The following EPS15 variants were observed in gnomAD, a reference collection of about 807,000 sequenced individuals.
The protein encoded by EPS15 is epidermal growth factor receptor pathway substrate 15.
A neutral mutation model predicts 113.8 loss-of-function variants in EPS15; 72 were observed. The ratio of observed to expected loss-of-function variants is 0.63; its 90% CI spans 0.52 to 0.77. The LOEUF is 0.77. Ranked by LOEUF, EPS15 falls within the 30% of genes least tolerant of loss-of-function variation. The pLI is 0.00. For missense variants in EPS15, 1,048 were observed against 1,045.8 expected (o/e 1.00, Z -0.03); for synonymous variants, 344 against 363.4 (o/e 0.95, Z 0.61).
At chr1:51,446,602 C>A (rs1653076032) in intron 10 of EPS15, among the ~76,000 whole-genome samples, 2 of 152,066 alleles carry the variant, frequency 1.3e-5, no homozygotes, top group African/African-American at 4.8e-5. Context: ...TACAGGCGCA[C>A]ACCACCATGT....
At chr1:51,488,472 TAAAAAAAAAAAAA>T (rs71063033) in intron 1 of EPS15, among the ~76,000 whole-genome samples, 2 of 85,312 alleles carry the variant, frequency 2.3e-5, no homozygotes, top group East Asian at 6.9e-4. Context: ...TAAAGTTTTG[TAAAAAAAAAAAAA>T]AAAAAAAAAA....
At chr1:51,453,667 TAAG>T (rs1280462009) in intron 8 of EPS15, among the ~76,000 whole-genome samples, 2 of 152,126 alleles carry the variant, frequency 1.3e-5, no homozygotes, top group African/African-American at 4.8e-5. Context: ...ATTTTATTAA[TAAG>T]AATAATAAAA....
chr1:51,396,489 G>A lies in EPS15; in HGVS notation c.2053-2042C>T, dbSNP rs193295120. ...CAGGAAATGCTCACTGGCACATTTCGGATTTGGGGTGCTCAACCTGTATTA... is the reference window on the plus strand; with the variant it reads ...CAGGAAATGCTCACTGGCACATTTCAGATTTGGGGTGCTCAACCTGTATTA... On this transcript the variant is annotated intron_variant, in intron 20 of 24. Transcript: ENST00000371733. Among the ~76,000 whole-genome samples the A allele has an allele frequency of 7.8e-4, 118 of 152,198 alleles. 1 individual carries two copies. In the South Asian group the frequency reaches 0.022, roughly 29 times the overall value.
At position 51,408,137 on chromosome 1, in the gene EPS15, A is replaced by C. The variant is rs1471944244; in HGVS notation, c.1471T>G (p.Ser491Ala). The change falls in exon 15 of 25, where the codon TCA becomes GCA. Residue 491 changes from serine (S) to alanine (A), a missense_variant and splice_region_variant. Ser to Ala is a moderately conservative substitution (Grantham distance 99, BLOSUM62 1). Transcript: ENST00000371733. ...TTTCTTGCTTTACAAAGACTTACTGAACTAATTTCCTGTTGTGAATCTTGT... is the reference window on the plus strand; with the variant it reads ...TTTCTTGCTTTACAAAGACTTACTGCACTAATTTCCTGTTGTGAATCTTGT... ...HLQDSQQEISSMQMKLMEMKD... is the reference protein window; with the variant it reads ...HLQDSQQEISAMQMKLMEMKD... 6.2e-7 allele frequency: 1 copy of C among 1,613,368 alleles called. No individual in the cohort carries two copies.
At chr1:51,486,425 C>CAAAAAAA (rs35588668) in intron 1 of EPS15, among the ~76,000 whole-genome samples, 1 of 84,770 alleles carries the variant, frequency 1.2e-5, no homozygotes, top group African/African-American at 4.1e-5. Context: ...GACTGCATCT[C>CAAAAAAA]AAAAAAAAAA....
At chr1:51,440,187 T>C (rs577231794) in intron 12 of EPS15, among the ~76,000 whole-genome samples, 160 bp downstream of exon 12, 4 of 151,998 alleles carry the variant, frequency 2.6e-5, no homozygotes, top group Non-Finnish European at 4.4e-5. Flanking sequence ...ACTGTGGTAC[T>C]TAACCAAATA....
At chr1:51,440,593 T>A (rs895928368) in intron 11 of EPS15, among the ~76,000 whole-genome samples, 161 bp from the exon 12 acceptor site, 2 of 151,992 alleles carry the variant, frequency 1.3e-5, no homozygotes, top group Non-Finnish European at 2.9e-5. Flanking sequence ...CAATTATATA[T>A]AATTTTATAC....
At position 51,400,896 on chromosome 1, in the gene EPS15, T is replaced by G. The variant is rs779944365; in HGVS notation, c.1918+22A>C. ...AAGCAGAAATGAATGAAAGCTAAGA[T>G]GAAACTCAATAAGATACTGACCGAT... On this transcript the variant is annotated intron_variant, in intron 19 of 24. Coordinates refer to ENST00000371733, the MANE Select transcript of EPS15 (RefSeq NM_001981.3). 3 of 1,526,880 alleles carry G rather than the reference T, an allele frequency of 2.0e-6. No homozygotes were observed. The Admixed American group carries it at 5.8e-5, about 30-fold the overall frequency. The allele number at this position is 1,526,880 out of a possible 1,614,324, so 94.6% of individuals were successfully genotyped here. A position where few individuals can be genotyped will look rare whatever the true frequency, so the allele number is the denominator to read the frequency against.
chr1:51,376,126 T>A (rs896332518), intron 21 of EPS15, among the ~76,000 whole-genome samples: 8 of 152,258 alleles, frequency 5.3e-5, no homozygotes, highest in African/African-American at 1.9e-4. Context: ...AATGTCTGGC[T>A]TTGAAGCATC....
Position 51,508,280 on chromosome 1 carries a change from GAA to G in EPS15, c.33+10917_33+10918del, listed in dbSNP as rs1644544757. Among the ~76,000 whole-genome samples the G allele has an allele frequency of 6.4e-5, 9 of 141,554 alleles. No individual in the cohort carries two copies. In the South Asian group the frequency reaches 8.8e-4, roughly 14 times the overall value. 92.9% of individuals were successfully genotyped at this position (141,554 alleles called of 152,430 possible). ...AGAGAGAGAGAGAGAGAGAAAGAGA[GAA>G]AGAGAGAAAGAGAGAGAGAGAAAGA... On this transcript the variant is annotated intron_variant, in intron 1 of 24. Coordinates refer to ENST00000371733, the MANE Select transcript of EPS15 (RefSeq NM_001981.3).
rs1654393257 is a variant in EPS15, at chr1:51,460,966, A to G, written c.561+125T>C. The G allele has an allele frequency of 9.2e-6, 6 of 652,350 alleles. No homozygotes were observed. The African/African-American group carries it at 9.4e-5, about 10-fold the overall frequency. The allele number at this position is 652,350 out of a possible 1,614,324, so 40.4% of individuals were successfully genotyped here. On this transcript the variant is annotated intron_variant, in intron 8 of 24. Transcript: ENST00000371733. ...GAGACTCTGTCTCAAAAAGAAAAAA[A>G]AAAAAAGTTCACCCAATAATCTGAT...
At chr1:51,443,322 G>C (rs1158032684) in intron 11 of EPS15, among the ~76,000 whole-genome samples, 1 of 151,688 alleles carries the variant, frequency 6.6e-6, no homozygotes, top group Non-Finnish European at 1.5e-5. Context: ...AAAGCAGTCT[G>C]CATAGGTGAA....
At chr1:51,416,850 A>G (rs1650268637) in intron 13 of EPS15, among the ~76,000 whole-genome samples, 1 of 150,114 alleles carries the variant, frequency 6.7e-6, no homozygotes, top group South Asian at 2.1e-4. Flanking sequence ...TATATTATAC[A>G]TAATTATATA....
chr1:51,412,785 C>A (rs1031108718), intron 13 of EPS15, among the ~76,000 whole-genome samples: 4 of 152,208 alleles, frequency 2.6e-5, no homozygotes, highest in Non-Finnish European at 4.4e-5. Context: ...TCCATTCATA[C>A]ATGTCCTATA....
chr1:51,458,310 T>TA (rs59224706), intron 8 of EPS15: 2,257 of 143,334 alleles, frequency 0.016, 20 homozygotes, highest in African/African-American at 0.027. Context: ...AGCTTTTTAT[T>TA]AAAAAAAAAA....
intron 12 of EPS15, among the ~76,000 whole-genome samples, chr1:51,437,492 ATTT>A (rs765352350): frequency 1.5e-5 from 2 of 136,846 alleles, no homozygotes; most frequent in African/African-American, 2.7e-5. Flanking sequence ...AAAAAAAAAA[ATTT>A]TTTTTTTTTT....
At position 51,367,040 on chromosome 1, in the gene EPS15, A is replaced by T. The variant is rs200752428; in HGVS notation, c.2120-1011T>A. ...TCAGTCTAGTAAAAGATATGTAAACAAATAATAATAAAACAGTCTTATATG... is the reference window on the plus strand; with the variant it reads ...TCAGTCTAGTAAAAGATATGTAAACTAATAATAATAAAACAGTCTTATATG... On this transcript the variant is annotated intron_variant, in intron 21 of 24. Transcript: ENST00000371733. 3.9e-5 allele frequency among the ~76,000 whole-genome samples: 6 copies of T among 152,384 alleles called. No homozygotes were observed. The East Asian group carries it at 1.2e-3, about 29-fold the overall frequency.
intron 24 of EPS15, among the ~76,000 whole-genome samples, 187 bp downstream of exon 24, chr1:51,360,984 G>C (rs1255941860): frequency 6.6e-6 from 1 of 152,168 alleles, no homozygotes; most frequent in South Asian, 2.1e-4. Context: ...AATCATCTGT[G>C]CGATGGAACA....
At chr1:51,359,421 C>A (rs1167295210) in intron 24 of EPS15, among the ~76,000 whole-genome samples, 2 of 122,502 alleles carry the variant, frequency 1.6e-5, no homozygotes, top group Non-Finnish European at 3.3e-5. Flanking sequence ...TCCAGCCTGG[C>A]GACAGAGCAA....
Sources: allele counts gnomAD v4.1 joint callset (sites outside exome capture counted in the v4.1 genomes callset), GRCh38; gene constraint gnomAD v4.1.1; transcripts MANE v1.5; gene names NCBI Gene and HGNC (gene_info 2026-07-23, HGNC 2026-07-21).